Variants in MYB observed in about 807,000 individuals in gnomAD.
MYB encodes transcriptional activator Myb.
A neutral mutation model predicts 92.9 loss-of-function variants in MYB; 28 were observed. That is an observed-to-expected ratio of 0.30 (90% CI 0.22 to 0.41). The LOEUF (loss-of-function observed/expected upper bound fraction) is 0.41, where lower values mean the gene tolerates loss of function less well. Among genes scored for constraint, MYB ranks in the 10% least tolerant of loss-of-function variants. The pLI is 1.00. For synonymous variants in MYB, 295 were observed against 329.1 expected, an observed-to-expected ratio of 0.90 and a Z score of 1.12; for missense variants, 679 against 929.3, an observed-to-expected ratio of 0.73 and a Z score of 3.50.
rs1252148817 is a variant in MYB, at chr6:135,206,227, AT to A, written c.2169+2904del. 3.6e-3 allele frequency among the ~76,000 whole-genome samples: 415 copies of A among 116,524 alleles called. 5 individuals are homozygous for A. Among genetic ancestry groups the A allele is most frequent in the African/African-American group, 0.013 (393 of 30,648 alleles). The allele number at this position is 116,524 out of a possible 152,430, so 76.4% of individuals were successfully genotyped here. ...TCTCAAAAAAAAAAAAAAAAAAAAA[AT>A]AATAATAATAATAATAATAATTAGC... On this transcript the variant is annotated intron_variant, in intron 15 of 15. Coordinates refer to ENST00000341911, the MANE Select transcript of MYB (RefSeq NM_001130173.2).
At chr6:135,203,382 TTGG>T (rs56247805) in intron 15 of MYB, 58 bp downstream of exon 15, 117 of 1,117,458 alleles carry the variant, frequency 1.0e-4, no homozygotes, top group Non-Finnish European at 1.4e-4. Flanking sequence ...ACTGTCATCT[TTGG>T]TGGTGGTGGT....
chr6:135,199,586 G>A (rs1777786060), intron 11 of MYB: 4 of 1,041,284 alleles, frequency 3.8e-6, no homozygotes, highest in African/African-American at 1.7e-5. Context: ...GGATGAGTAA[G>A]CAGTCATTTT....
intron 2 of MYB, among the ~76,000 whole-genome samples, chr6:135,186,385 T>A (rs921917484): frequency 2.0e-5 from 3 of 152,244 alleles, no homozygotes; most frequent in African/African-American, 7.2e-5. Context: ...CCTCCTGTGA[T>A]CCCATGCATG....
chr6:135,200,650 G>A, intron 13 of MYB: 1 of 577,568 alleles, frequency 1.7e-6, no homozygotes, highest in South Asian at 1.8e-5. Flanking sequence ...ATACTAGAGA[G>A]TATCAAGAAA....
At chr6:135,203,979 C>A in intron 15 of MYB, 1 of 967,876 alleles carries the variant, frequency 1.0e-6, no homozygotes, top group Non-Finnish European at 1.3e-6. Flanking sequence ...AATTTTGCTT[C>A]CCTAAATTAT....
chr6:135,208,379 T>A (rs1018681296), intron 15 of MYB, among the ~76,000 whole-genome samples: 11 of 146,544 alleles, frequency 7.5e-5, no homozygotes, highest in African/African-American at 2.5e-4. Context: ...ACCCGGCCAG[T>A]TTTTTATTTT....
intron 15 of MYB, among the ~76,000 whole-genome samples, chr6:135,208,259 A>G (rs1779246565): frequency 6.7e-6 from 1 of 149,982 alleles, no homozygotes; most frequent in African/African-American, 2.5e-5. Context: ...TGGTATTTTT[A>G]GTAGGGACGG....
chr6:135,212,225 T>TTTTTTTTTTTTTTA (rs1779828578), intron 15 of MYB, among the ~76,000 whole-genome samples: 1 of 32,788 alleles, frequency 3.0e-5, no homozygotes. Context: ...TTGGTTTTAC[T>TTTTTTTTTTTTTTA]TTTTTTTTTT....
Position 135,217,859 on chromosome 6 carries a change from A to C in MYB, c.2170-5A>C, listed in dbSNP as rs771337709. The C allele has an allele frequency of 6.3e-7, 1 of 1,592,390 alleles. No homozygotes were observed. Among genetic ancestry groups the C allele is most frequent in the African/African-American group, 1.3e-5 (1 of 74,392 alleles). Reference sequence around the variant, plus strand: ...CGCTCCTGTTGCCATCCCTTTCTCCATCAGCCTTGTAGCAGTACCTGGGAA... The same window carrying C: ...CGCTCCTGTTGCCATCCCTTTCTCCCTCAGCCTTGTAGCAGTACCTGGGAA... On this transcript the variant is annotated splice_region_variant and splice_polypyrimidine_tract_variant and intron_variant, in intron 15 of 15. Coordinates refer to ENST00000341911, the MANE Select transcript of MYB (RefSeq NM_001130173.2).
chr6:135,191,353 T>A (rs17064283), intron 5 of MYB, among the ~76,000 whole-genome samples: 3,280 of 152,296 alleles, frequency 0.022, 109 homozygotes, highest in African/African-American at 0.073. Context: ...TAATGATAAA[T>A]CTTGCATTAA....
At chr6:135,216,791 G>A (rs1780507625) in intron 15 of MYB, among the ~76,000 whole-genome samples, 1 of 152,124 alleles carries the variant, frequency 6.6e-6, no homozygotes, top group Non-Finnish European at 1.5e-5. Flanking sequence ...AACCAAGTGG[G>A]GCATAAATAG....
intron 15 of MYB, among the ~76,000 whole-genome samples, chr6:135,213,892 G>C (rs1260656341): frequency 6.6e-6 from 1 of 152,026 alleles, no homozygotes; most frequent in Non-Finnish European, 1.5e-5. Context: ...AAACAAAAAA[G>C]ACACAGAACT....
At chr6:135,191,943 C>T (rs1776684983) in intron 5 of MYB, among the ~76,000 whole-genome samples, 1 of 152,188 alleles carries the variant, frequency 6.6e-6, no homozygotes, top group South Asian at 2.1e-4. Flanking sequence ...GTAGGCCCTG[C>T]TGTGCCACAT....
chr6:135,196,826 C>T, intron 9 of MYB, 135 bp from the exon 10 acceptor site: 1 of 1,585,092 alleles, frequency 6.3e-7, no homozygotes, highest in Non-Finnish European at 8.5e-7. Flanking sequence ...AACTGCTCAT[C>T]TTGAAGCTGT....
At chr6:135,199,992 G>A in intron 11 of MYB, 93 bp from the exon 12 acceptor site, 1 of 953,712 alleles carries the variant, frequency 1.0e-6, no homozygotes, top group South Asian at 1.4e-5. Context: ...AGAGTTTATT[G>A]TATTCAGTGG....
intron 5 of MYB, among the ~76,000 whole-genome samples, chr6:135,191,034 A>G (rs901168562): frequency 6.6e-6 from 1 of 152,218 alleles, no homozygotes; most frequent in Non-Finnish European, 1.5e-5. Flanking sequence ...CCTGGCCTCA[A>G]ACAATCCTTT....
At chr6:135,198,377 C>G (rs1317775637) in intron 10 of MYB, among the ~76,000 whole-genome samples, 2 of 152,096 alleles carry the variant, frequency 1.3e-5, no homozygotes, top group African/African-American at 4.8e-5. Flanking sequence ...TGTTGTGTTT[C>G]CCAAATTTAT....
In MYB at chr6:135,190,641, A is replaced by G. The variant is rs551772215; in HGVS notation, c.527+294A>G. ...GCCAGTGTTAGGATCAAGTAAAATG[A>G]ATGTCAAAGGACTTGGTAAACTATA... On this transcript the variant is annotated intron_variant, in intron 5 of 15. Transcript: ENST00000341911. This position sits in a 1 kb window ranked among gnomAD's most constrained non-coding sequence, Gnocchi z 4.5. Among the ~76,000 whole-genome samples the G allele has an allele frequency of 6.6e-6, 1 of 152,330 alleles. No individual in the cohort carries two copies. Among genetic ancestry groups the G allele is most frequent in the African/African-American group, 2.4e-5 (1 of 41,564 alleles).
chr6:135,218,070 GAGA>G lies in MYB; in HGVS notation c.*95_*97del. 2 of 1,003,190 alleles carry G rather than the reference GAGA, an allele frequency of 2.0e-6. No homozygotes were observed. Among genetic ancestry groups the G allele is most frequent in the Non-Finnish European group, 3.2e-6 (2 of 632,802 alleles). 62.1% of individuals were successfully genotyped at this position (1,003,190 alleles called of 1,614,324 possible). ...TCAACATGAAACTTTTCATGAATGG[GAGA>G]AGAACCTATTTTTGTTGTGGTACAA... On this transcript the variant is annotated 3_prime_UTR_variant, in exon 16 of 16. Coordinates refer to ENST00000341911, the MANE Select transcript of MYB (RefSeq NM_001130173.2).
Sources: allele counts gnomAD v4.1 joint callset (sites outside exome capture counted in the v4.1 genomes callset), GRCh38; gene constraint gnomAD v4.1.1; non-coding constraint Gnocchi (gnomAD v3.1); transcripts MANE v1.5; gene names NCBI Gene and HGNC (gene_info 2026-07-23, HGNC 2026-07-21).